Variants in LCP2 observed in about 807,000 individuals in gnomAD.
LCP2 encodes lymphocyte cytosolic protein 2.
Under a neutral mutation model 74.5 loss-of-function variants are expected in LCP2, and 29 were observed. The observed-to-expected ratio is 0.39, with a 90% CI of 0.29 to 0.53. The LOEUF (loss-of-function observed/expected upper bound fraction) is 0.53. Among genes scored for constraint, LCP2 ranks in the 20% least tolerant of loss-of-function variants. LCP2 has a pLI of 0.72. For missense variants in LCP2, 604 were observed against 634.6 expected, an observed-to-expected ratio of 0.95 and a Z score of 0.52; for synonymous variants, 228 against 229.5, an observed-to-expected ratio of 0.99 and a Z score of 0.06.
intron 20 of LCP2, among the ~76,000 whole-genome samples, chr5:170,249,903 A>T (rs967039384): frequency 1.3e-5 from 2 of 152,232 alleles, no homozygotes; most frequent in African/African-American, 4.8e-5. Flanking sequence ...CACTGGACCA[A>T]GATAAATCTT....
At chr5:170,267,973 G>T (rs1761799140) in intron 8 of LCP2, among the ~76,000 whole-genome samples, 1 of 152,148 alleles carries the variant, frequency 6.6e-6, no homozygotes, top group South Asian at 2.1e-4. Context: ...CTCGAAGAAG[G>T]AGAAAACGGG....
intron 10 of LCP2, among the ~76,000 whole-genome samples, chr5:170,265,549 C>T (rs934132050): frequency 3.9e-5 from 6 of 152,134 alleles, no homozygotes; most frequent in African/African-American, 7.2e-5. Context: ...TGTCTCGGCT[C>T]GTGGTAGTGA....
Position 170,256,443 on chromosome 5 carries a change from G to C in LCP2, c.1150+83C>G, listed in dbSNP as rs1761552616. On this transcript the variant is annotated intron_variant, in intron 17 of 20. Coordinates refer to ENST00000046794, the MANE Select transcript of LCP2 (RefSeq NM_005565.5). The surrounding 1 kb of genome is among the most constrained non-coding windows in gnomAD (Gnocchi z 4.5). ...GCTTTTAGGAAACAATAAAACCTTT[G>C]TCGAAAGCTTTTGGGACAGGTTAGG... 2.7e-6 allele frequency: 3 copies of C among 1,094,400 alleles called. No homozygotes were observed. In the South Asian group the frequency reaches 3.8e-5, roughly 14 times the overall value. The allele number at this position is 1,094,400 out of a possible 1,614,324, so 67.8% of individuals were successfully genotyped here.
At chr5:170,254,925 G>A (rs544044015) in intron 17 of LCP2, among the ~76,000 whole-genome samples, 1 of 152,322 alleles carries the variant, frequency 6.6e-6, no homozygotes, top group South Asian at 2.1e-4. Flanking sequence ...GAAGACCGAG[G>A]ACCAGGTGTC....
intron 3 of LCP2, among the ~76,000 whole-genome samples, chr5:170,276,084 C>T (rs1295591320): frequency 6.6e-6 from 1 of 152,214 alleles, no homozygotes; most frequent in Non-Finnish European, 1.5e-5. Context: ...GAAGCCCTCT[C>T]TCCTCCTTGC....
Position 170,297,617 on chromosome 5 carries a change from C to T in LCP2, c.-6G>A. 6.2e-7 allele frequency: 1 copy of T among 1,606,970 alleles called. No homozygotes were observed. Among genetic ancestry groups the T allele is most frequent in the Middle Eastern group, 1.7e-4 (1 of 6,042 alleles). ...GGCACATTCCTCAGTGCCATGGCTG[C>T]TCTCCCGGGAAGAAGCTCACAAGCT... is the stretch of plus-strand genomic sequence containing the variant. On this transcript the variant is annotated 5_prime_UTR_variant, in exon 1 of 21. Coordinates refer to ENST00000046794, the MANE Select transcript of LCP2 (RefSeq NM_005565.5).
chr5:170,264,722 C>T (rs868141855), intron 10 of LCP2, among the ~76,000 whole-genome samples: 1 of 151,872 alleles, frequency 6.6e-6, no homozygotes, highest in Admixed American at 6.6e-5. Context: ...TTGCTTGACC[C>T]GAGGAGTTTG....
intron 6 of LCP2, among the ~76,000 whole-genome samples, chr5:170,273,215 C>T (rs76248819): frequency 0.021 from 3,254 of 152,218 alleles, 29 homozygotes; most frequent in East Asian, 0.053. Flanking sequence ...TGAATGGAAG[C>T]CCTCAGTTTA....
At chr5:170,294,716 C>G (rs1164414406) in intron 1 of LCP2, among the ~76,000 whole-genome samples, 3 of 152,226 alleles carry the variant, frequency 2.0e-5, no homozygotes, top group Non-Finnish European at 2.9e-5. Flanking sequence ...GAAAGCACAT[C>G]CCATCTATGG....
At chr5:170,291,326 T>G (rs2113215917) in intron 2 of LCP2, among the ~76,000 whole-genome samples, 1 of 152,214 alleles carries the variant, frequency 6.6e-6, no homozygotes, top group African/African-American at 2.4e-5. Flanking sequence ...GGGTGATAGA[T>G]TAGTAATTAG....
rs747789227 is a variant in LCP2 at position 170,289,607 on chromosome 5, CTTTCTTTCTT to C, written c.142-1601_142-1592del. Among the ~76,000 whole-genome samples, 863 of 143,050 alleles carry C rather than the reference CTTTCTTTCTT, an allele frequency of 6.0e-3. 8 individuals carry two copies. Among genetic ancestry groups the C allele is most frequent in the African/African-American group, 0.017 (643 of 37,212 alleles). 93.8% of individuals were successfully genotyped at this position (143,050 alleles called of 152,430 possible). On this transcript the variant is annotated intron_variant, in intron 2 of 20. Transcript: ENST00000046794. ...AACTACTCCTTTTCTTTCTTTCTTT[CTTTCTTTCTT>C]TTTCTTTCTTTCTTTCTTTCTTTCT...
At chr5:170,261,389 ATGTG>A (rs1554139945) in intron 13 of LCP2, among the ~76,000 whole-genome samples, 3 of 146,272 alleles carry the variant, frequency 2.1e-5, no homozygotes, top group African/African-American at 5.1e-5. Context: ...GCAAATAATT[ATGTG>A]TGTGTGTGTG....
At chr5:170,294,717 C>T (rs548066392) in intron 1 of LCP2, among the ~76,000 whole-genome samples, 55 of 152,318 alleles carry the variant, frequency 3.6e-4, no homozygotes, top group African/African-American at 1.3e-3. Context: ...AAAGCACATC[C>T]CATCTATGGA....
chr5:170,290,282 G>A (rs1403290936), intron 2 of LCP2, among the ~76,000 whole-genome samples: 2 of 152,164 alleles, frequency 1.3e-5, no homozygotes, highest in African/African-American at 4.8e-5. Flanking sequence ...CCTGGTGGGA[G>A]AGGCAATGTG....
intron 19 of LCP2, 24 bp from the exon 20 acceptor site, chr5:170,250,909 T>C: frequency 6.2e-7 from 1 of 1,606,638 alleles, no homozygotes; most frequent in Non-Finnish European, 8.5e-7. Flanking sequence ...TTCCTGTTAT[T>C]ATGGGAGCAG....
At chr5:170,259,569 C>G (rs1443587896) in intron 14 of LCP2, among the ~76,000 whole-genome samples, 4 of 152,122 alleles carry the variant, frequency 2.6e-5, no homozygotes, top group Non-Finnish European at 5.9e-5. Flanking sequence ...ACCAAAAGGG[C>G]CAGCTTGAAC....
At chr5:170,250,194 A>T (rs1348059565) in intron 20 of LCP2, among the ~76,000 whole-genome samples, 1 of 152,134 alleles carries the variant, frequency 6.6e-6, no homozygotes, top group African/African-American at 2.4e-5. Flanking sequence ...GTTTCTTTCC[A>T]TCCGTTCTGA....
In LCP2 at chr5:170,268,441, G is replaced by A; in HGVS notation, c.565C>T (p.Pro189Ser). The change falls in exon 8 of 21, where the codon CCC becomes TCC. Residue 189 changes from proline to serine, a missense_variant. Pro to Ser is a moderately conservative substitution (Grantham distance 74, BLOSUM62 -1). Coordinates refer to ENST00000046794, the MANE Select transcript of LCP2 (RefSeq NM_005565.5). Reference sequence around the variant, plus strand: ...AGGGCGGCCATCGGTCTCTGGGGGGGCACAGGAGGCTGCTGGGGGGTTTTC... The same window carrying A: ...AGGGCGGCCATCGGTCTCTGGGGGGACACAGGAGGCTGCTGGGGGGTTTTC... ...SGKTPQQPPV[P>S]PQRPMAALPP... The A allele has an allele frequency of 5.1e-6, 2 of 393,748 alleles. No individual in the cohort carries two copies. Among genetic ancestry groups the A allele is most frequent in the Non-Finnish European group, 7.5e-6 (2 of 265,052 alleles). The allele number at this position is 393,748 out of a possible 1,614,324, so 24.4% of individuals were successfully genotyped here. A position where few individuals can be genotyped will look rare whatever the true frequency, so the allele number is the denominator to read the frequency against.
At chr5:170,250,175 GC>G (rs1465972198) in intron 20 of LCP2, among the ~76,000 whole-genome samples, 1 of 152,160 alleles carries the variant, frequency 6.6e-6, no homozygotes, top group Non-Finnish European at 1.5e-5. Flanking sequence ...CGAAAAACTA[GC>G]CCTGAGGGTT....
Sources: gnomAD v4.1 joint callset for allele counts (sites outside exome capture counted in the v4.1 genomes callset) on GRCh38, gnomAD v4.1.1 for gene constraint, Gnocchi (gnomAD v3.1) non-coding constraint, MANE v1.5 for transcripts, NCBI Gene and HGNC (gene_info 2026-07-23, HGNC 2026-07-21) for gene names.